Variants in TBL2 observed in about 807,000 individuals in gnomAD.
TBL2 encodes the protein transducin beta like 2, also known as transducin beta-like protein 2.
A neutral mutation model predicts 41.8 loss-of-function variants in TBL2; 33 were observed. The ratio of observed to expected loss-of-function variants is 0.79; its 90% CI spans 0.60 to 1.06. The LOEUF is 1.06. Ranked by LOEUF, TBL2 falls within the 50% of genes least tolerant of loss-of-function variation. The pLI, the probability that TBL2 is intolerant of heterozygous loss-of-function variation, is 0.00. For synonymous variants in TBL2, 239 were observed against 241.7 expected (o/e 0.99, Z 0.10); for missense variants, 522 against 603.8 (o/e 0.86, Z 1.42).
At chr7:73,578,398 C>T (rs928525601) in intron 1 of TBL2, 22 bp downstream of exon 1, 2 of 1,525,238 alleles carry the variant, frequency 1.3e-6, no homozygotes, top group African/African-American at 1.4e-5. Flanking sequence ...GGGCCGCCCC[C>T]ACCCGACCCG....
intron 4 of TBL2, 33 bp from the exon 5 acceptor site, chr7:73,573,003 C>CAGTG: frequency 6.2e-7 from 1 of 1,613,300 alleles, no homozygotes; most frequent in South Asian, 1.1e-5. Flanking sequence ...GGGTCACGGG[C>CAGTG]AGTGACCTGA....
chr7:73,572,221 A>T (rs185749023), intron 5 of TBL2, among the ~76,000 whole-genome samples: 1 of 152,132 alleles, frequency 6.6e-6, no homozygotes, highest in East Asian at 1.9e-4. Flanking sequence ...GGTCGAGGCA[A>T]GAGGATCACT....
chr7:73,577,264 CAAAA>C (rs34760825), intron 1 of TBL2, among the ~76,000 whole-genome samples: 2 of 98,116 alleles, frequency 2.0e-5, no homozygotes, highest in Admixed American at 1.2e-4. Context: ...CGTCCCCCTG[CAAAA>C]AAAAAAAAAA....
intron 1 of TBL2, among the ~76,000 whole-genome samples, chr7:73,576,324 T>C (rs1434277512): frequency 6.6e-6 from 1 of 151,406 alleles, no homozygotes; most frequent in African/African-American, 2.4e-5. Flanking sequence ...TGAGTCACCA[T>C]GCCCGGCCCG....
chr7:73,574,646 A>G (rs1793182394), intron 1 of TBL2, 133 bp from the exon 2 acceptor site: 7 of 1,318,770 alleles, frequency 5.3e-6, no homozygotes, highest in Non-Finnish European at 7.4e-6. Context: ...GAGGAGAATG[A>G]GTGTGATATG....
At position 73,570,485 on chromosome 7, in the gene TBL2, T is replaced by C; in HGVS notation, c.*22A>G. The stretch of plus-strand genomic sequence containing the variant: ...AGGCCAGATCCCTCCTCCTCAATCC[T>C]CTGCGCCGGGCCCTCCCAGAGTCAC... On this transcript the variant is annotated 3_prime_UTR_variant, in exon 7 of 7. Transcript: ENST00000305632. 1 of 1,485,600 alleles carries C rather than the reference T, an allele frequency of 6.7e-7. No individual in the cohort carries two copies. The highest frequency in any genetic ancestry group is 8.9e-7 in the Non-Finnish European group (1 of 1,119,318). The allele number at this position is 1,485,600 out of a possible 1,614,324, so 92.0% of individuals were successfully genotyped here. A position where few individuals can be genotyped will look rare whatever the true frequency, so the allele number is the denominator to read the frequency against.
In TBL2 at chr7:73,574,406, G is replaced by T; in HGVS notation, c.238C>A (p.Arg80Ser). The change falls in exon 2 of 7, where the codon CGC becomes AGC. Residue 80 changes from arginine to serine, a missense_variant. Transcript: ENST00000305632. ...ACCTTCAGAGCTGCAGCCAGGAGGCGGTGGGTGAAGTTGTGTTGTTGAGGC... is the reference window on the plus strand; with the variant it reads ...ACCTTCAGAGCTGCAGCCAGGAGGCTGTGGGTGAAGTTGTGTTGTTGAGGC... Reference protein sequence around the residue: ...EKPQQHNFTHRLLAAALKSHS... With the variant: ...EKPQQHNFTHSLLAAALKSHS... 1 of 1,613,732 alleles carries T rather than the reference G, an allele frequency of 6.2e-7. No homozygotes were observed. Among genetic ancestry groups the T allele is most frequent in the Non-Finnish European group, 8.5e-7 (1 of 1,180,024 alleles).
intron 1 of TBL2, chr7:73,577,899 A>C: frequency 5.0e-6 from 1 of 198,796 alleles, no homozygotes; most frequent in Non-Finnish European, 1.0e-5. Context: ...CGGCCTCCCA[A>C]AGTGCTGGGA....
chr7:73,577,798 A>G (rs1470842439), intron 1 of TBL2, among the ~76,000 whole-genome samples: 3 of 151,526 alleles, frequency 2.0e-5, no homozygotes, highest in African/African-American at 7.3e-5. Context: ...GGCGTGCACA[A>G]CCACACCCAG....
At chr7:73,576,848 T>G in intron 1 of TBL2, 1 of 382,082 alleles carries the variant, frequency 2.6e-6, no homozygotes. Context: ...GGAATGTCTT[T>G]TTTCCTTGGC....
rs1301924915 is a variant in TBL2, at chr7:73,567,825, ATTC to A, written c.*2679_*2681del. 3.3e-5 allele frequency among the ~76,000 whole-genome samples: 5 copies of A among 152,204 alleles called. No individual in the cohort carries two copies. The highest frequency in any genetic ancestry group is 1.2e-4 in the African/African-American group (5 of 41,528). On this transcript the variant is annotated 3_prime_UTR_variant, in exon 7 of 7. Coordinates refer to ENST00000305632, the MANE Select transcript of TBL2 (RefSeq NM_012453.4). Reference sequence around the variant, plus strand: ...TGGCAAGGTGGGTAGCACAGGATTCATTCTTATTTTGCAGCTGAGGAAACAAGC... The same window carrying A: ...TGGCAAGGTGGGTAGCACAGGATTCATTATTTTGCAGCTGAGGAAACAAGC...
intron 1 of TBL2, chr7:73,574,811 C>CA (rs34550818): frequency 0.15 from 64,124 of 437,148 alleles, 3,967 homozygotes; most frequent in Middle Eastern, 0.19. Flanking sequence ...GACCCTGTCT[C>CA]AAAAAAAAAC....
rs920522610 is a variant in TBL2 at position 73,570,666 on chromosome 7, C to G, written c.1185G>C (p.Ala395=). ...CAGGAGTGTTGTGAAACAGCCGCAC[C>G]GCCCGGTCCCCACAGGAGGCCAGAA... ...GRFLASCGDR[A]VRLFHNTPGH... Residue 395 remains alanine (A), a synonymous_variant, in exon 7 of 7, where the codon GCG becomes GCC. Coordinates refer to ENST00000305632, the MANE Select transcript of TBL2 (RefSeq NM_012453.4). 1 of 1,613,908 alleles carries G rather than the reference C, an allele frequency of 6.2e-7. No homozygotes were observed. Among genetic ancestry groups the G allele is most frequent in the South Asian group, 1.1e-5 (1 of 91,054 alleles).
chr7:73,571,197 G>A lies in TBL2; in HGVS notation c.870C>T (p.Asp290=). ...AAVHSFAFSN[D]SRRMASVSKD... is the part of the protein sequence containing the mutation. ...AGAGCGGATTCACTCACCTCCGTGA[G>A]TCGTTGGAGAAAGCAAACGAGTGCA... Residue 290 remains aspartate (D), a synonymous_variant, in exon 6 of 7, where the codon GAC becomes GAT. Transcript: ENST00000305632. 1 of 1,614,252 alleles carries A rather than the reference G, an allele frequency of 6.2e-7. No homozygotes were observed. The highest frequency in any genetic ancestry group is 8.5e-7 in the Non-Finnish European group (1 of 1,180,050).
In TBL2 at chr7:73,574,066, A is replaced by G; in HGVS notation, c.318T>C (p.Ala106=). Residue 106 remains alanine, a synonymous_variant, in exon 3 of 7, where the codon GCT becomes GCC. Coordinates refer to ENST00000305632, the MANE Select transcript of TBL2 (RefSeq NM_012453.4). ...MDFSSNGKYL[A]TCADDRTIRI... The stretch of plus-strand genomic sequence containing the variant: ...GGATGGTGCGATCATCTGCACAGGT[A>G]GCCAGGTATTTGCCATTGCTGCTAA... 3 of 1,614,210 alleles carry G rather than the reference A, an allele frequency of 1.9e-6. No homozygotes were observed. Among genetic ancestry groups the G allele is most frequent in the Non-Finnish European group, 2.5e-6 (3 of 1,180,032 alleles).
Position 73,570,858 on chromosome 7 carries a change from A to T in TBL2, c.993T>A (p.Gly331=), listed in dbSNP as rs571476269. The T allele has an allele frequency of 3.1e-6, 5 of 1,613,450 alleles. No homozygotes were observed. In the African/African-American group the frequency reaches 5.3e-5, roughly 17 times the overall value. The part of the protein sequence containing the change: ...LKTGRFEEAA[G]AAPCRLALSP... Reference sequence around the variant, plus strand: ...AGAGGGCCAGGCGGCACGGCGCGGCACCCGCCGCCTCTTCAAAGCGGCCTG... The same window carrying T: ...AGAGGGCCAGGCGGCACGGCGCGGCTCCCGCCGCCTCTTCAAAGCGGCCTG... The change falls in exon 7 of 7, where the codon GGT becomes GGA. Residue 331 remains glycine (G), a synonymous_variant. Coordinates refer to ENST00000305632, the MANE Select transcript of TBL2 (RefSeq NM_012453.4).
At chr7:73,576,587 C>T (rs117727333) in intron 1 of TBL2, 18,481 of 456,114 alleles carry the variant, frequency 0.041, 541 homozygotes, top group Non-Finnish European at 0.057. Flanking sequence ...GAGTCCTGTG[C>T]GGGGGAGTGG....
intron 1 of TBL2, among the ~76,000 whole-genome samples, chr7:73,577,267 A>ACCCCC (rs1563456558): frequency 3.2e-4 from 47 of 148,548 alleles, no homozygotes; most frequent in African/African-American, 9.7e-4. Flanking sequence ...CCCCCTGCAA[A>ACCCCC]AAAAAAAAAA....
intron 1 of TBL2, 78 bp from the exon 2 acceptor site, chr7:73,574,591 G>A (rs782697410): frequency 1.3e-6 from 2 of 1,595,808 alleles, no homozygotes; most frequent in East Asian, 2.2e-5. Context: ...GCCAGGCATT[G>A]AGTGGAACAG....
Sources: gnomAD v4.1 joint callset for allele counts (sites outside exome capture counted in the v4.1 genomes callset) on GRCh38, gnomAD v4.1.1 for gene constraint, MANE v1.5 for transcripts, NCBI Gene and HGNC (gene_info 2026-07-23, HGNC 2026-07-21) for gene names.